Variants in CAMK2A observed in about 807,000 individuals in gnomAD.
The protein encoded by CAMK2A is calcium/calmodulin dependent protein kinase II alpha.
CAMK2A carries 7 observed loss-of-function variants against 79.2 expected under a neutral mutation model. That is an observed-to-expected ratio of 0.09 (90% confidence interval 0.05 to 0.17). CAMK2A has a LOEUF of 0.17. Among genes scored for constraint, CAMK2A ranks in the 10% least tolerant of loss-of-function variants. The probability of loss-of-function intolerance (pLI) is 1.00; values close to 1 mark genes in which losing one functional copy is unlikely to be tolerated. For synonymous variants in CAMK2A, 242 were observed against 251.7 expected (o/e 0.96, Z 0.36); for missense variants, 214 against 646.4 (o/e 0.33, Z 7.25).
intron 15 of CAMK2A, among the ~76,000 whole-genome samples, chr5:150,233,335 T>C (rs1274429909): frequency 4.6e-5 from 7 of 152,154 alleles, no homozygotes. Context: ...GCCCATCACA[T>C]TCTCCCACAC....
chr5:150,247,335 C>T (rs1232861045), intron 12 of CAMK2A, among the ~76,000 whole-genome samples: 5 of 152,236 alleles, frequency 3.3e-5, no homozygotes, highest in African/African-American at 4.8e-5. Context: ...GGCAGCACCC[C>T]CATCATCCCC....
At chr5:150,259,468 G>T (rs1756210088) in intron 3 of CAMK2A, among the ~76,000 whole-genome samples, 1 of 152,096 alleles carries the variant, frequency 6.6e-6, no homozygotes, top group African/African-American at 2.4e-5. Context: ...GGTGCAGTGA[G>T]CCAAGATTGC....
chr5:150,280,428 A>G lies in CAMK2A; in HGVS notation c.63-7269T>C, dbSNP rs1251568928. On this transcript the variant is annotated intron_variant, in intron 1 of 18. Coordinates refer to ENST00000671881, the MANE Select transcript of CAMK2A (RefSeq NM_015981.4). ...TAAAACTCTCTCCTCAAATAAAACA[A>G]AACAACCGAGAACCTTTCTCTCGAC... Among the ~76,000 whole-genome samples, 5 of 151,992 alleles carry G rather than the reference A, an allele frequency of 3.3e-5. No homozygotes were observed. The East Asian group carries it at 9.7e-4, about 29-fold the overall frequency.
At chr5:150,265,289 C>T (rs1392017395) in intron 2 of CAMK2A, 6 of 444,374 alleles carry the variant, frequency 1.4e-5, no homozygotes, top group African/African-American at 1.2e-4. Flanking sequence ...CTCCGAGACT[C>T]CTCCAGGCCT....
At chr5:150,233,796 T>A (rs948128904) in intron 15 of CAMK2A, among the ~76,000 whole-genome samples, 3 of 152,012 alleles carry the variant, frequency 2.0e-5, no homozygotes, top group Non-Finnish European at 2.9e-5. Context: ...TTTGTTTGTG[T>A]TTTTGTTTGT....
At chr5:150,265,589 G>C (rs143804860) in intron 2 of CAMK2A, among the ~76,000 whole-genome samples, 2 of 151,988 alleles carry the variant, frequency 1.3e-5, no homozygotes, top group African/African-American at 4.8e-5. Context: ...CAGGGACTTC[G>C]TCTCTGTTGT....
At chr5:150,282,743 C>T (rs1349955515) in intron 1 of CAMK2A, among the ~76,000 whole-genome samples, 1 of 152,262 alleles carries the variant, frequency 6.6e-6, no homozygotes, top group Non-Finnish European at 1.5e-5. Flanking sequence ...TCTAAACCAT[C>T]TCCCATATCA....
chr5:150,244,177 G>A (rs1755463122), intron 13 of CAMK2A, among the ~76,000 whole-genome samples: 1 of 152,190 alleles, frequency 6.6e-6, no homozygotes, highest in Non-Finnish European at 1.5e-5. Context: ...GTTGTACTTA[G>A]GGGAAAATTC....
intron 3 of CAMK2A, among the ~76,000 whole-genome samples, chr5:150,264,751 G>A (rs1756437314): frequency 6.6e-6 from 1 of 152,164 alleles, no homozygotes; most frequent in Non-Finnish European, 1.5e-5. Context: ...ATGGGAGGAA[G>A]GGCCTTTCTT....
rs1436218904 is a variant in CAMK2A, at chr5:150,284,945, C to A, written c.62+4619G>T. Among the ~76,000 whole-genome samples the A allele has an allele frequency of 6.7e-6, 1 of 149,304 alleles. No homozygotes were observed. Among genetic ancestry groups the A allele is most frequent in the African/African-American group, 2.5e-5 (1 of 39,536 alleles). On this transcript the variant is annotated intron_variant, in intron 1 of 18. Transcript: ENST00000671881. The surrounding 1 kb of genome is among the most constrained non-coding windows in gnomAD (Gnocchi z 5.3). ...GCGTGGCATCTCTAATGGGGCATTG[C>A]AGGCATCTCCAGAGGTATTATGATC...
chr5:150,261,532 A>C lies in CAMK2A; in HGVS notation c.217+3424T>G, dbSNP rs369049664. 3.3e-4 allele frequency among the ~76,000 whole-genome samples: 50 copies of C among 152,288 alleles called. 4 individuals are homozygous for C. Among genetic ancestry groups the C allele is most frequent in the South Asian group, 3.1e-3 (15 of 4,818 alleles). On this transcript the variant is annotated intron_variant, in intron 3 of 18. Transcript: ENST00000671881. Reference sequence around the variant, plus strand: ...ATTGTCATAGAACAAACAAATCTGTAACCTAGCTTTTTATTTATGTGGCTT... The same window carrying C: ...ATTGTCATAGAACAAACAAATCTGTCACCTAGCTTTTTATTTATGTGGCTT...
chr5:150,278,131 G>A (rs13360825), intron 1 of CAMK2A, among the ~76,000 whole-genome samples: 8,570 of 152,190 alleles, frequency 0.056, 782 homozygotes, highest in African/African-American at 0.19. Flanking sequence ...TACCTCCTGG[G>A]TTTGTTGGGG....
At chr5:150,280,904 T>C (rs944031513) in intron 1 of CAMK2A, among the ~76,000 whole-genome samples, 1 of 152,200 alleles carries the variant, frequency 6.6e-6, no homozygotes, top group African/African-American at 2.4e-5. Flanking sequence ...TTAGCTGTGA[T>C]CTCTGGGGAG....
chr5:150,279,388 C>T (rs892264725), intron 1 of CAMK2A, among the ~76,000 whole-genome samples: 2 of 152,194 alleles, frequency 1.3e-5, no homozygotes, highest in South Asian at 2.1e-4. Context: ...GCTACTTCAC[C>T]TCAGTAAGCC....
At position 150,222,670 on chromosome 5, in the gene CAMK2A, T is replaced by C. The variant is rs1754374140; in HGVS notation, c.*40A>G. 1.2e-6 allele frequency: 2 copies of C among 1,612,406 alleles called. No individual in the cohort carries two copies. The highest frequency in any genetic ancestry group is 1.7e-6 in the Non-Finnish European group (2 of 1,178,640). ...AGCTCCACTCCACGGACAGAGTGGA[T>C]CTCTGCGGCACAGCAACGCAGCGAC... On this transcript the variant is annotated 3_prime_UTR_variant, in exon 19 of 19. Transcript: ENST00000671881.
chr5:150,274,478 A>AT (rs962650807), intron 1 of CAMK2A, among the ~76,000 whole-genome samples: 3 of 152,178 alleles, frequency 2.0e-5, no homozygotes, highest in Non-Finnish European at 4.4e-5. Flanking sequence ...TCTAGATGCC[A>AT]TTTTGCACTC....
At chr5:150,275,917 C>G (rs558821602) in intron 1 of CAMK2A, among the ~76,000 whole-genome samples, 1 of 152,110 alleles carries the variant, frequency 6.6e-6, no homozygotes, top group Non-Finnish European at 1.5e-5. Flanking sequence ...CCCCAGCCCC[C>G]CTCCCCTCCC....
chr5:150,273,099 G>A lies in CAMK2A; in HGVS notation c.123C>T (p.Ala41=). 1 of 1,613,822 alleles carries A rather than the reference G, an allele frequency of 6.2e-7. No homozygotes were observed. The highest frequency in any genetic ancestry group is 2.2e-5 in the East Asian group (1 of 44,846). ...VKVLAGQEYA[A]KIINTKKLSA... ...ACAGCTTCTTTGTGTTGATGATCTT[G>A]GCAGCATACTCCTGGCCAGCCAGCA... is the stretch of plus-strand genomic sequence containing the variant. The change falls in exon 2 of 19, where the codon GCC becomes GCT. Residue 41 remains alanine, a synonymous_variant. Transcript: ENST00000671881.
At chr5:150,243,641 A>G (rs1390033223) in intron 13 of CAMK2A, among the ~76,000 whole-genome samples, 1 of 152,246 alleles carries the variant, frequency 6.6e-6, no homozygotes, top group African/African-American at 2.4e-5. Context: ...CAAAAGTCTA[A>G]TACATAAAAT....
Sources: gnomAD v4.1 joint callset for allele counts (sites outside exome capture counted in the v4.1 genomes callset) on GRCh38, gnomAD v4.1.1 for gene constraint, Gnocchi (gnomAD v3.1) non-coding constraint, MANE v1.5 for transcripts, NCBI Gene and HGNC (gene_info 2026-07-23, HGNC 2026-07-21) for gene names.